Variants in TIAM1 observed in about 807,000 individuals in gnomAD.
TIAM1 encodes the protein rho guanine nucleotide exchange factor TIAM1.
A neutral mutation model predicts 163.5 loss-of-function variants in TIAM1; 65 were observed. The ratio of observed to expected loss-of-function variants is 0.40; its 90% confidence interval spans 0.33 to 0.49. The LOEUF (loss-of-function observed/expected upper bound fraction) is 0.49. Ranked by LOEUF, TIAM1 falls within the 20% of genes least tolerant of loss-of-function variation. TIAM1 has a pLI of 0.77. For synonymous variants in TIAM1, 833 were observed against 810.1 expected (o/e 1.03, Z -0.48); for missense variants, 1,789 against 2,044.7 (o/e 0.87, Z 2.41).
intron 1 of TIAM1, among the ~76,000 whole-genome samples, chr21:31,465,075 G>A (rs1054225789): frequency 6.6e-6 from 1 of 151,684 alleles, no homozygotes; most frequent in Non-Finnish European, 1.5e-5. Context: ...GTATGCAACT[G>A]TAGTCCCAGC....
intron 2 of TIAM1, among the ~76,000 whole-genome samples, chr21:31,309,268 G>T (rs1165099186): frequency 1.3e-5 from 2 of 152,080 alleles, no homozygotes; most frequent in Non-Finnish European, 2.9e-5. Flanking sequence ...GACCAGCGTG[G>T]CCAACATGGT....
At chr21:31,515,070 A>C (rs1357813954) in intron 1 of TIAM1, among the ~76,000 whole-genome samples, 1 of 152,162 alleles carries the variant, frequency 6.6e-6, no homozygotes, top group Non-Finnish European at 1.5e-5. Context: ...TGTGGATTTG[A>C]CTACACTTTT....
chr21:31,195,468 A>G (rs1018292615), intron 12 of TIAM1, among the ~76,000 whole-genome samples, 163 bp from the exon 13 acceptor site: 1 of 152,236 alleles, frequency 6.6e-6, no homozygotes, highest in Admixed American at 6.5e-5. Context: ...AAGTAAAAGT[A>G]AAAACTTCCA....
intron 2 of TIAM1, among the ~76,000 whole-genome samples, chr21:31,407,106 G>C (rs765202010): frequency 2.0e-5 from 3 of 152,276 alleles, no homozygotes; most frequent in East Asian, 1.9e-4. Context: ...AGGTTCTCTC[G>C]AAACATCTCA....
chr21:31,310,604 A>G (rs1275862441), intron 2 of TIAM1, among the ~76,000 whole-genome samples: 1 of 152,208 alleles, frequency 6.6e-6, no homozygotes, highest in Non-Finnish European at 1.5e-5. Context: ...TCACAGACTT[A>G]CAACCGGGAC....
Position 31,418,841 on chromosome 21 carries a change from G to C in TIAM1, c.-369+45142C>G, listed in dbSNP as rs188917923. ...AGAGAGGCCTTTTGCTGCAAGCAGG[G>C]TGGCGAGGCCTCTTAGAACTACCGT... is the stretch of plus-strand genomic sequence containing the variant. On this transcript the variant is annotated intron_variant, in intron 2 of 28. Coordinates refer to the TIAM1 transcript ENST00000286827. 4.7e-4 allele frequency among the ~76,000 whole-genome samples: 71 copies of C among 152,302 alleles called. No individual in the cohort carries two copies. In the East Asian group the frequency reaches 0.012, roughly 26 times the overall value.
chr21:31,121,952 C>T (rs981736769), intron 27 of TIAM1, among the ~76,000 whole-genome samples: 4 of 152,252 alleles, frequency 2.6e-5, no homozygotes, highest in South Asian at 2.1e-4. Flanking sequence ...AGAGTCTCAA[C>T]GCCAACTGGG....
At chr21:31,185,878 C>A (rs2085280488) in intron 14 of TIAM1, among the ~76,000 whole-genome samples, 2 of 151,918 alleles carry the variant, frequency 1.3e-5, no homozygotes, top group Admixed American at 6.6e-5. Flanking sequence ...CCACAGAATG[C>A]CAAGTGCTGC....
intron 4 of TIAM1, among the ~76,000 whole-genome samples, chr21:31,258,877 T>C (rs537492113): frequency 1.2e-4 from 18 of 151,096 alleles, no homozygotes; most frequent in African/African-American, 4.4e-4. Flanking sequence ...AGATACTCGG[T>C]CAACTGGTGG....
intron 2 of TIAM1, among the ~76,000 whole-genome samples, chr21:31,288,032 G>A (rs2073881445): frequency 6.6e-6 from 1 of 152,108 alleles, no homozygotes; most frequent in African/African-American, 2.4e-5. Context: ...AGGAGGCATA[G>A]ACTTCTCTGA....
intron 1 of TIAM1, among the ~76,000 whole-genome samples, chr21:31,526,056 T>G (rs949598387): frequency 2.2e-4 from 32 of 145,484 alleles, no homozygotes; most frequent in Non-Finnish European, 4.1e-4. Context: ...AAAAAAAAAT[T>G]ATCTCATCCA....
At chr21:31,122,956 G>C (rs574898928) in intron 27 of TIAM1, among the ~76,000 whole-genome samples, 2 of 152,318 alleles carry the variant, frequency 1.3e-5, no homozygotes, top group South Asian at 4.1e-4. Flanking sequence ...TGAAGATTCT[G>C]AGGATAGTGA....
At chr21:31,549,124 GTTTT>G (rs1376351877) in intron 1 of TIAM1, among the ~76,000 whole-genome samples, 2 of 152,150 alleles carry the variant, frequency 1.3e-5, no homozygotes, top group Non-Finnish European at 2.9e-5. Flanking sequence ...GTGATTCAGA[GTTTT>G]TTTAAGTAAA....
intron 15 of TIAM1, among the ~76,000 whole-genome samples, chr21:31,169,922 C>A (rs1305310618): frequency 6.6e-6 from 1 of 151,832 alleles, no homozygotes; most frequent in Non-Finnish European, 1.5e-5. Context: ...ACTAAAAGAA[C>A]AGAAATAGAT....
intron 2 of TIAM1, among the ~76,000 whole-genome samples, chr21:31,355,830 C>T (rs958995052): frequency 0.045 from 2 of 44 alleles, no homozygotes; most frequent in African/African-American, 0.2. Context: ...GGGATTCAGG[C>T]GTGAGCACTG....
chr21:31,207,193 A>G (rs1024119664), intron 11 of TIAM1, among the ~76,000 whole-genome samples: 2 of 152,246 alleles, frequency 1.3e-5, no homozygotes, highest in Admixed American at 6.5e-5. Context: ...ACAGGGCAAC[A>G]TGGTTACCTG....
At chr21:31,399,759 G>A (rs967763208) in intron 2 of TIAM1, among the ~76,000 whole-genome samples, 12 of 152,242 alleles carry the variant, frequency 7.9e-5, no homozygotes, top group African/African-American at 2.4e-4. Context: ...TGATACAAGC[G>A]AAATGAGTGG....
chr21:31,514,771 G>A (rs572465722), intron 1 of TIAM1, among the ~76,000 whole-genome samples: 100 of 152,320 alleles, frequency 6.6e-4, no homozygotes, highest in African/African-American at 2.2e-3. Context: ...CAGAGTGCAC[G>A]CCTGGAGGTC....
chr21:31,151,447 G>T (rs1026352535), intron 19 of TIAM1, among the ~76,000 whole-genome samples: 8 of 152,150 alleles, frequency 5.3e-5, no homozygotes, highest in Admixed American at 2.0e-4. Context: ...TACGCTGAGT[G>T]GAAGCAGCCC....
Sources: allele counts gnomAD v4.1 joint callset (sites outside exome capture counted in the v4.1 genomes callset), GRCh38; gene constraint gnomAD v4.1.1; transcripts MANE v1.5; gene names NCBI Gene and HGNC (gene_info 2026-07-23, HGNC 2026-07-21).